Variants in CUL4B observed in about 807,000 individuals in gnomAD.
The protein encoded by CUL4B is cullin 4B.
CUL4B carries 1 observed loss-of-function variant against 69.2 expected under a neutral mutation model. The ratio of observed to expected loss-of-function variants is 0.01; its 90% confidence interval spans 0.01 to 0.07. The LOEUF (loss-of-function observed/expected upper bound fraction) is 0.07, where lower values mean the gene tolerates loss of function less well. Ranked by LOEUF, CUL4B falls within the 10% of genes least tolerant of loss-of-function variation. The pLI, the probability that CUL4B is intolerant of heterozygous loss-of-function variation, is 1.00. For missense variants in CUL4B, 328 were observed against 638.8 expected, an observed-to-expected ratio of 0.51 and a Z score of 5.24; for synonymous variants, 237 against 223.2, an observed-to-expected ratio of 1.06 and a Z score of -0.55.
chrX:120,532,325 T>C lies in CUL4B; in HGVS notation c.2439+97A>G, dbSNP rs1460852783. ...ACATAGACACAAAAAATATTAATGG[T>C]ATTGGCAGTATTACAGGTATAAAAA... On this transcript the variant is annotated intron_variant, in intron 18 of 19. Coordinates refer to ENST00000371322, the MANE Select transcript of CUL4B (RefSeq NM_001079872.2). 4.8e-6 allele frequency: 3 copies of C among 628,705 alleles called. No individual in the cohort carries two copies. The African/African-American group carries it at 6.7e-5, about 14-fold the overall frequency. The allele number at this position is 628,705 out of a possible 1,213,427, so 51.8% of individuals were successfully genotyped here. A position where few individuals can be genotyped will look rare whatever the true frequency, so the allele number is the denominator to read the frequency against.
At chrX:120,563,273 GC>G (rs1925393735), upstream of CUL4B, among the ~76,000 whole-genome samples, 1 of 111,676 alleles carries the variant, frequency 9.0e-6, no homozygotes, top group African/African-American at 3.3e-5. Flanking sequence ...TTGCTGTGTC[GC>G]CCAGGCTGGA....
chrX:120,574,590 C>T (rs760941322), exon 2 of CUL4B: 1 of 1,208,112 alleles, frequency 8.3e-7, no homozygotes, highest in Non-Finnish European at 1.1e-6. Context: ...TCATTCCCAT[C>T]TCCTGATCCA....
chrX:120,544,520 A>C lies in CUL4B; in HGVS notation c.1044T>G (p.Ser348Arg). Residue 348 changes from serine to arginine, a missense_variant, in exon 6 of 20, where the codon AGT becomes AGG. Physicochemically the swap from Ser to Arg is moderately radical, Grantham distance 110. This residue lies in a region of CUL4B where 126 missense variants were observed against 202.5 expected (regional missense o/e 0.62). Coordinates refer to ENST00000371322, the MANE Select transcript of CUL4B (RefSeq NM_001079872.2). ...RERNGEAIDR[S>R]LLRSLLSMLS... ...GCATGCTTAAAAGGCTTCGAAGTAA[A>C]CTTCTATCAATTGCTTCACCATTCC... 8.3e-7 allele frequency: 1 copy of C among 1,211,251 alleles called. No individual in the cohort carries two copies. Among genetic ancestry groups the C allele is most frequent in the Non-Finnish European group, 1.1e-6 (1 of 895,008 alleles).
At chrX:120,561,647 G>A (rs1925330378), upstream of CUL4B, among the ~76,000 whole-genome samples, 1 of 109,136 alleles carries the variant, frequency 9.2e-6, no homozygotes, top group Non-Finnish European at 1.9e-5. Context: ...GGAAAACGGA[G>A]GAGGAGGAAG....
At chrX:120,539,763 C>T (rs1923878312) in intron 11 of CUL4B, among the ~76,000 whole-genome samples, 1 of 112,280 alleles carries the variant, frequency 8.9e-6, no homozygotes, top group Non-Finnish European at 1.9e-5. Flanking sequence ...CAATCTTAAA[C>T]ATTACTTTTC....
rs766735343 is a variant in CUL4B, at chrX:120,535,412, C to T, written c.2160+418G>A. On this transcript the variant is annotated intron_variant, in intron 16 of 19. Coordinates refer to ENST00000371322, the MANE Select transcript of CUL4B (RefSeq NM_001079872.2). ...TATCTAGGATACAATTATAAAACAACAGCTTAAACTGGCCAGATGCGGTGG... is the reference window on the plus strand; with the variant it reads ...TATCTAGGATACAATTATAAAACAATAGCTTAAACTGGCCAGATGCGGTGG... Among the ~76,000 whole-genome samples, 3 of 110,249 alleles carry T rather than the reference C, an allele frequency of 2.7e-5. No homozygotes were observed. In the South Asian group the frequency reaches 1.1e-3, roughly 42 times the overall value.
chrX:120,558,766 G>A (rs1245452338), intron 1 of CUL4B, among the ~76,000 whole-genome samples: 3 of 111,564 alleles, frequency 2.7e-5, no homozygotes, highest in African/African-American at 9.8e-5. Context: ...GGGGAAAAAA[G>A]TTTTAATTAG....
In CUL4B at chrX:120,526,721, G is replaced by A. The variant is rs748316891; in HGVS notation, c.*40C>T. On this transcript the variant is annotated 3_prime_UTR_variant, in exon 20 of 20. Coordinates refer to ENST00000371322, the MANE Select transcript of CUL4B (RefSeq NM_001079872.2). ...GAATCAACAGGTTAGTTTATCCACTGGCTACTGCATATGACACCAAATGCT... is the reference window on the plus strand; with the variant it reads ...GAATCAACAGGTTAGTTTATCCACTAGCTACTGCATATGACACCAAATGCT... 6.8e-6 allele frequency: 6 copies of A among 882,152 alleles called. No homozygotes were observed. The highest frequency in any genetic ancestry group is 1.9e-5 in the African/African-American group (1 of 51,411). The allele number at this position is 882,152 out of a possible 1,213,427, so 72.7% of individuals were successfully genotyped here.
At chrX:120,573,244 G>T (rs913923010) in intron 2 of CUL4B, among the ~76,000 whole-genome samples, 1 of 110,312 alleles carries the variant, frequency 9.1e-6, no homozygotes, top group Non-Finnish European at 1.9e-5. Context: ...TGCTTTTTTC[G>T]CTTAATATAT....
intron 1 of CUL4B, among the ~76,000 whole-genome samples, chrX:120,574,829 G>GT (rs1472183834): frequency 9.0e-6 from 1 of 111,467 alleles, no homozygotes; most frequent in African/African-American, 3.3e-5. Flanking sequence ...TCTTTTACTC[G>GT]TTTTTTTCTT....
chrX:120,526,937 C>A, intron 19 of CUL4B, 81 bp from the exon 20 acceptor site: 1 of 524,917 alleles, frequency 1.9e-6, no homozygotes, highest in East Asian at 3.8e-5. Flanking sequence ...ATTAAAAAGA[C>A]AACAGTTTCG....
At chrX:120,559,699 T>G in intron 1 of CUL4B, 2 of 814,332 alleles carry the variant, frequency 2.5e-6, no homozygotes, top group Non-Finnish European at 3.3e-6. Context: ...TACTGAAGCA[T>G]AAAAATAAAA....
At chrX:120,540,243 A>T in intron 11 of CUL4B, 127 bp downstream of exon 11, 1 of 592,140 alleles carries the variant, frequency 1.7e-6, no homozygotes, top group Non-Finnish European at 2.8e-6. Flanking sequence ...CAAACTTGAT[A>T]TACCAGCTAA....
Position 120,560,099 on chromosome X carries a change from C to G in CUL4B, c.540G>C (p.Val180=). ...NSKPGSAKKL[V]IKNFKDKPKL... is the part of the protein sequence containing the mutation. ...CTTGGTTACCTTTAAAGTTCTTGAT[C>G]ACTAACTTCTTAGCAGAGCCAGGTT... The change falls in exon 1 of 20, where the codon GTG becomes GTC. Residue 180 remains valine, a synonymous_variant. Transcript: ENST00000371322. 1.7e-6 allele frequency: 2 copies of G among 1,211,616 alleles called. No homozygotes were observed. Among genetic ancestry groups the G allele is most frequent in the Non-Finnish European group, 2.2e-6 (2 of 895,258 alleles).
rs1428067365 is a variant in CUL4B at position 120,525,116 on chromosome X, C to T, written c.*1645G>A. 1 of 112,059 alleles carries T rather than the reference C, an allele frequency of 8.9e-6. No individual in the cohort carries two copies. Among genetic ancestry groups the T allele is most frequent in the African/African-American group, 3.2e-5 (1 of 30,777 alleles). 9.2% of individuals were successfully genotyped at this position (112,059 alleles called of 1,213,427 possible). A position where few individuals can be genotyped will look rare whatever the true frequency, so the allele number is the denominator to read the frequency against. ...GGCAATGGCTGCTCAATAAGAATTA[C>T]AAGTTCCGAATACCACATATAGTTA... is the stretch of plus-strand genomic sequence containing the variant. On this transcript the variant is annotated 3_prime_UTR_variant, in exon 20 of 20. Transcript: ENST00000371322.
chrX:120,535,071 T>C (rs1378051086), intron 16 of CUL4B, among the ~76,000 whole-genome samples: 1 of 111,787 alleles, frequency 8.9e-6, no homozygotes, highest in Non-Finnish European at 1.9e-5. Flanking sequence ...TGCTCATGCC[T>C]GTAATCCCAG....
rs112085497 is a variant in CUL4B at position 120,547,124 on chromosome X, T to C, written c.776+12A>G. ...CAAAACTATTCACGATTTTTTGTTT[T>C]AAAAAGGATATTCTCTGAATTGATG... On this transcript the variant is annotated intron_variant, in intron 3 of 19. Transcript: ENST00000371322. 1.6e-5 allele frequency: 18 copies of C among 1,154,557 alleles called. No individual in the cohort carries two copies. The Admixed American group carries it at 2.8e-4, about 18-fold the overall frequency.
rs1925183897 is a variant in CUL4B at position 120,559,918 on chromosome X, G to A, written c.556+165C>T. On this transcript the variant is annotated intron_variant, in intron 1 of 19. Transcript: ENST00000371322. ...CAGCACAAGGATCCTAACCACCCCC[G>A]GAAAATGAACCCTCCACCAAAAAAG... is the stretch of plus-strand genomic sequence containing the variant. The A allele has an allele frequency of 4.4e-6, 5 of 1,135,499 alleles. No homozygotes were observed. In the African/African-American group the frequency reaches 7.4e-5, roughly 17 times the overall value. 93.6% of individuals were successfully genotyped at this position (1,135,499 alleles called of 1,213,427 possible). A position where few individuals can be genotyped will look rare whatever the true frequency, so the allele number is the denominator to read the frequency against.
intron 12 of CUL4B, 45 bp from the exon 13 acceptor site, chrX:120,538,815 T>C: frequency 1.1e-6 from 1 of 885,271 alleles, no homozygotes. Context: ...CAATAAAAAG[T>C]ACTGACAAAA....
Sources: allele counts gnomAD v4.1 joint callset (sites outside exome capture counted in the v4.1 genomes callset), GRCh38; gene constraint gnomAD v4.1.1; regional missense constraint gnomAD v4.1.1; transcripts MANE v1.5; gene names NCBI Gene and HGNC (gene_info 2026-07-23, HGNC 2026-07-21).